GSG1L: variants seen among roughly 807,000 people sequenced by gnomAD.
GSG1L encodes the protein germ cell-specific gene 1-like protein.
Under a neutral mutation model 42.1 loss-of-function variants are expected in GSG1L, and 24 were observed. The ratio of observed to expected loss-of-function variants is 0.57; its 90% CI spans 0.41 to 0.80. The LOEUF (loss-of-function observed/expected upper bound fraction) is 0.80. Ranked by LOEUF, GSG1L falls within the 30% of genes least tolerant of loss-of-function variation. The pLI, the probability that GSG1L is intolerant of heterozygous loss-of-function variation, is 0.00. For missense variants in GSG1L, 445 were observed against 472.2 expected (o/e 0.94, Z 0.53); for synonymous variants, 215 against 203.5 (o/e 1.06, Z -0.48).
At chr16:27,935,167 C>T (rs1020148860) in intron 2 of GSG1L, among the ~76,000 whole-genome samples, 7 of 152,110 alleles carry the variant, frequency 4.6e-5, no homozygotes, top group East Asian at 1.9e-4. Context: ...TGGGGAGCAG[C>T]GTCAAAAACA....
intron 2 of GSG1L, among the ~76,000 whole-genome samples, chr16:27,930,293 C>T (rs2084641038): frequency 6.6e-6 from 1 of 152,190 alleles, no homozygotes; most frequent in South Asian, 2.1e-4. Context: ...CCCCACATGG[C>T]CAGCCCCCTC....
chr16:27,867,910 C>A (rs1445989010), intron 3 of GSG1L, among the ~76,000 whole-genome samples: 3 of 152,240 alleles, frequency 2.0e-5, no homozygotes, highest in Non-Finnish European at 4.4e-5. Flanking sequence ...AACCTCCTTG[C>A]GTTTCTCGCG....
rs772305546 is a variant in GSG1L at position 27,963,163 on chromosome 16, C to A, written c.390G>T (p.Ser130=). Residue 130 remains serine (S), a synonymous_variant, in exon 2 of 7, where the codon TCG becomes TCT. Coordinates refer to ENST00000447459, the MANE Select transcript of GSG1L (RefSeq NM_001109763.2). ...CRSFIDLAPA[S]EKGVLWLSVV... ...AGCTGGGGTCACACTCACCTTTCTC[C>A]GATGCCGGGGCCAGGTCAATGAAGC... is the stretch of plus-strand genomic sequence containing the variant. 3.7e-6 allele frequency: 6 copies of A among 1,613,710 alleles called. No individual in the cohort carries two copies. The highest frequency in any genetic ancestry group is 5.1e-6 in the Non-Finnish European group (6 of 1,179,666).
intron 3 of GSG1L, among the ~76,000 whole-genome samples, chr16:27,882,581 C>T (rs2083973082): frequency 1.3e-5 from 2 of 152,164 alleles, no homozygotes; most frequent in Admixed American, 6.5e-5. Flanking sequence ...ATCATCAGGC[C>T]TTTGCTTACG....
chr16:27,907,730 A>C (rs2084336059), intron 2 of GSG1L, among the ~76,000 whole-genome samples: 1 of 152,252 alleles, frequency 6.6e-6, no homozygotes. Context: ...ACATCTGTGT[A>C]ACAGAACAAA....
At chr16:27,834,553 A>T (rs2083303610) in intron 4 of GSG1L, among the ~76,000 whole-genome samples, 1 of 151,920 alleles carries the variant, frequency 6.6e-6, no homozygotes, top group South Asian at 2.1e-4. Context: ...CTGGACCTGG[A>T]GATTTCTGTT....
intron 1 of GSG1L, among the ~76,000 whole-genome samples, chr16:27,964,323 CAAA>C (rs11306598): frequency 6.3e-5 from 8 of 126,568 alleles, no homozygotes; most frequent in Admixed American, 7.6e-5. Flanking sequence ...GACTCTGTCT[CAAA>C]AAAAAAAAAA....
chr16:27,950,290 C>T (rs111334957), intron 2 of GSG1L, among the ~76,000 whole-genome samples: 38 of 152,148 alleles, frequency 2.5e-4, no homozygotes, highest in Admixed American at 3.9e-4. Flanking sequence ...GGCTGGTCAC[C>T]GTTTGGGGTT....
chr16:27,975,526 C>T (rs61050186), intron 1 of GSG1L, among the ~76,000 whole-genome samples: 29,292 of 152,200 alleles, frequency 0.19, 3,342 homozygotes, highest in Non-Finnish European at 0.26. Flanking sequence ...GTGTCCTCTA[C>T]AGGACGTGCA....
intron 2 of GSG1L, among the ~76,000 whole-genome samples, chr16:27,961,304 G>T (rs141931170): frequency 2.6e-5 from 4 of 152,286 alleles, no homozygotes; most frequent in Non-Finnish European, 5.9e-5. Flanking sequence ...CACATACACA[G>T]GCCCTGCTTT....
intron 1 of GSG1L, among the ~76,000 whole-genome samples, chr16:27,974,986 G>A (rs2085234945): frequency 6.6e-6 from 1 of 152,126 alleles, no homozygotes; most frequent in Non-Finnish European, 1.5e-5. Flanking sequence ...AAGGAGCCTG[G>A]AAGAGGTGAA....
intron 3 of GSG1L, among the ~76,000 whole-genome samples, chr16:27,882,248 T>G (rs1410899077): frequency 6.6e-6 from 1 of 152,158 alleles, no homozygotes; most frequent in Non-Finnish European, 1.5e-5. Flanking sequence ...TCATTTGCCT[T>G]CCACCATGAT....
intron 1 of GSG1L, among the ~76,000 whole-genome samples, chr16:28,020,548 T>A (rs2085830676): frequency 6.6e-6 from 1 of 152,192 alleles, no homozygotes; most frequent in Non-Finnish European, 1.5e-5. Context: ...CTTGTCCTTA[T>A]GTCAGAGGGG....
chr16:27,810,461 C>T lies in GSG1L; in HGVS notation c.831-2907G>A, dbSNP rs1394368774. ...CTTCAGCCTGGGTAACAGAGTGATA[C>T]CCTGTCTCAAAAAGTAAAAAAGATC... On this transcript the variant is annotated intron_variant, in intron 5 of 6. Transcript: ENST00000447459. 2.0e-5 allele frequency among the ~76,000 whole-genome samples: 3 copies of T among 152,084 alleles called. No individual in the cohort carries two copies. In the East Asian group the frequency reaches 5.8e-4, roughly 29 times the overall value.
chr16:27,975,666 T>C (rs1038749022), intron 1 of GSG1L, among the ~76,000 whole-genome samples: 1 of 152,162 alleles, frequency 6.6e-6, no homozygotes, highest in Non-Finnish European at 1.5e-5. Context: ...TATCTCTCTA[T>C]CTTAGGCATC....
intron 2 of GSG1L, among the ~76,000 whole-genome samples, chr16:27,930,901 T>C (rs1167114312): frequency 6.6e-6 from 1 of 152,042 alleles, no homozygotes; most frequent in Non-Finnish European, 1.5e-5. Context: ...TTTTTTGTTG[T>C]TGTTGCTATT....
chr16:27,965,950 C>T (rs1288557859), intron 1 of GSG1L, among the ~76,000 whole-genome samples: 1 of 152,116 alleles, frequency 6.6e-6, no homozygotes, highest in East Asian at 1.9e-4. Context: ...TGATCTGTCT[C>T]TCCATCACCT....
chr16:28,033,009 A>G (rs750892308), intron 1 of GSG1L, among the ~76,000 whole-genome samples: 1 of 152,178 alleles, frequency 6.6e-6, no homozygotes, highest in Admixed American at 6.5e-5. Context: ...AAGGCACCCC[A>G]GTGTATTTAG....
chr16:27,798,006 A>G (rs549141960), intron 6 of GSG1L, among the ~76,000 whole-genome samples: 4 of 152,210 alleles, frequency 2.6e-5, no homozygotes, highest in South Asian at 4.2e-4. Flanking sequence ...AAAGGGAAAT[A>G]CCAGAAACTG....
Sources: gnomAD v4.1 joint callset for allele counts (sites outside exome capture counted in the v4.1 genomes callset) on GRCh38, gnomAD v4.1.1 for gene constraint, MANE v1.5 for transcripts, NCBI Gene and HGNC (gene_info 2026-07-23, HGNC 2026-07-21) for gene names.